Variants in SRP19 observed in about 807,000 individuals in gnomAD.
The protein encoded by SRP19 is signal recognition particle 19, also known as signal recognition particle 19 kDa protein.
A neutral mutation model predicts 22.4 loss-of-function variants in SRP19; 11 were observed. The observed-to-expected ratio is 0.49, with a 90% CI of 0.31 to 0.81. The LOEUF is 0.81. Ranked by LOEUF, SRP19 falls within the 40% of genes least tolerant of loss-of-function variation. The pLI is 0.05. For synonymous variants in SRP19, 61 were observed against 57.6 expected, an observed-to-expected ratio of 1.06 and a Z score of -0.27; for missense variants, 168 against 175.9, an observed-to-expected ratio of 0.96 and a Z score of 0.25.
intron 4 of SRP19, chr5:112,887,189 C>T (rs1768280882): frequency 1.3e-6 from 2 of 1,576,216 alleles, no homozygotes; most frequent in Non-Finnish European, 1.7e-6. Flanking sequence ...CCACACTGCA[C>T]AGAAAAAGAG....
chr5:112,898,120 G>T (rs977018752), exon 4 of SRP19: 44 of 152,142 alleles, frequency 2.9e-4, no homozygotes, highest in African/African-American at 1.0e-3. Context: ...CACACTTCCA[G>T]TCAGCATGCG....
intron 1 of SRP19, 79 bp downstream of exon 1, chr5:112,861,496 T>C (rs1767397071): frequency 1.3e-6 from 2 of 1,492,732 alleles, no homozygotes; most frequent in South Asian, 2.4e-5. Context: ...GCTTCTCCGC[T>C]CCGCGGCCTC....
At chr5:112,880,566 T>C (rs1393380748) in intron 4 of SRP19, among the ~76,000 whole-genome samples, 4 of 152,264 alleles carry the variant, frequency 2.6e-5, no homozygotes, top group Non-Finnish European at 4.4e-5. Context: ...GTCCTTCCCT[T>C]AACTAACCCT....
rs1561638372 is a variant in SRP19 at position 112,864,605 on chromosome 5, G to C, written c.190-16G>C. Reference sequence around the variant, plus strand: ...CTTTCTTAAGTCCTGTTTTTCTTTTGTTTCGTTTATGTTAGAAAAATAAAA... The same window carrying C: ...CTTTCTTAAGTCCTGTTTTTCTTTTCTTTCGTTTATGTTAGAAAAATAAAA... On this transcript the variant is annotated splice_polypyrimidine_tract_variant and intron_variant, in intron 3 of 4. Coordinates refer to ENST00000505459, the MANE Select transcript of SRP19 (RefSeq NM_003135.3). The C allele has an allele frequency of 6.2e-7, 1 of 1,612,238 alleles. No individual in the cohort carries two copies. Among genetic ancestry groups the C allele is most frequent in the African/African-American group, 1.3e-5 (1 of 74,830 alleles).
intron 2 of SRP19, among the ~76,000 whole-genome samples, chr5:112,863,873 C>A (rs1767498529): frequency 6.6e-6 from 1 of 152,120 alleles, no homozygotes; most frequent in African/African-American, 2.4e-5. Flanking sequence ...CCATGTTGTC[C>A]AGGCTTGTCT....
chr5:112,878,329 C>T (rs980713218), intron 4 of SRP19: 1 of 157,848 alleles, frequency 6.3e-6, no homozygotes, highest in East Asian at 1.9e-4. Context: ...CAGACAGTAA[C>T]ATTTCCATAT....
downstream of SRP19, chr5:112,898,001 G>C (rs1022161501): frequency 6.6e-6 from 1 of 152,284 alleles, no homozygotes; most frequent in Non-Finnish European, 1.5e-5. Context: ...AGTGGTTGCA[G>C]TGAGCCAAGA....
downstream of SRP19, chr5:112,894,697 T>G (rs1298375232): frequency 2.0e-5 from 3 of 152,238 alleles, no homozygotes; most frequent in Admixed American, 2.0e-4. Context: ...CATCCTAACA[T>G]GATATTTGTT....
At chr5:112,866,799 C>G (rs1767620386) in intron 4 of SRP19, among the ~76,000 whole-genome samples, 4 of 152,152 alleles carry the variant, frequency 2.6e-5, no homozygotes, top group Admixed American at 2.0e-4. Context: ...TTGTAATTAA[C>G]TAGTAGATAA....
At chr5:112,880,498 C>G (rs1768038205) in intron 4 of SRP19, among the ~76,000 whole-genome samples, 1 of 152,178 alleles carries the variant, frequency 6.6e-6, no homozygotes, top group Non-Finnish European at 1.5e-5. Context: ...CTGATAGTTG[C>G]TCTCCCTTTG....
downstream of SRP19, among the ~76,000 whole-genome samples, chr5:112,873,977 A>G (rs147063630): frequency 5.0e-4 from 76 of 151,800 alleles, no homozygotes; most frequent in African/African-American, 1.7e-3. Context: ...CAGCCTGGGC[A>G]ACATAGGGAG....
At chr5:112,864,281 T>C (rs1356645520) in intron 2 of SRP19, among the ~76,000 whole-genome samples, 176 bp from the exon 3 acceptor site, 2 of 152,218 alleles carry the variant, frequency 1.3e-5, no homozygotes, top group Admixed American at 6.5e-5. Flanking sequence ...CAGTTACGCA[T>C]TAGTGTTATT....
downstream of SRP19, among the ~76,000 whole-genome samples, chr5:112,872,975 T>G (rs1767789554): frequency 6.6e-6 from 1 of 152,186 alleles, no homozygotes; most frequent in Non-Finnish European, 1.5e-5. Flanking sequence ...AGGGAATTGC[T>G]TTTTGGTCTT....
intron 4 of SRP19, chr5:112,882,095 T>C (rs904185299): frequency 3.9e-5 from 6 of 154,002 alleles, no homozygotes; most frequent in Non-Finnish European, 7.3e-5. Context: ...TAATTATTGA[T>C]GATTTTAATA....
chr5:112,862,192 T>C lies in SRP19; in HGVS notation c.42-316T>C, dbSNP rs76105935. ...CGGCTCCAGCAAGCTACCCAAGAGC[T>C]GTTGGTTACAGAATTTTCTAGGGTT... On this transcript the variant is annotated intron_variant, in intron 1 of 4. Coordinates refer to ENST00000505459, the MANE Select transcript of SRP19 (RefSeq NM_003135.3). Among the ~76,000 whole-genome samples the C allele has an allele frequency of 0.013, 1,989 of 152,260 alleles. 105 individuals are homozygous for C. The East Asian group carries it at 0.18, about 14-fold the overall frequency.
chr5:112,883,193 C>G (rs1768130414), intron 4 of SRP19, among the ~76,000 whole-genome samples: 1 of 152,258 alleles, frequency 6.6e-6, no homozygotes, highest in African/African-American at 2.4e-5. Context: ...TTCTTCTGCT[C>G]TCCTTTGCAG....
At chr5:112,896,013 C>T (rs1768669236), downstream of SRP19, 1 of 152,494 alleles carries the variant, frequency 6.6e-6, no homozygotes, top group South Asian at 2.1e-4. Context: ...CTAATGCTGT[C>T]ACCATGTGAT....
At chr5:112,890,116 C>T (rs1768389235) in intron 4 of SRP19, among the ~76,000 whole-genome samples, 1 of 149,830 alleles carries the variant, frequency 6.7e-6, no homozygotes, top group African/African-American at 2.5e-5. Context: ...CGTGAGCCAC[C>T]GCACCCGGCC....
chr5:112,862,338 C>G, intron 1 of SRP19, 170 bp from the exon 2 acceptor site: 1 of 682,786 alleles, frequency 1.5e-6, no homozygotes, highest in South Asian at 1.6e-5. Flanking sequence ...GGGGACCACT[C>G]CGAGGTACTT....
Sources: allele counts gnomAD v4.1 joint callset (sites outside exome capture counted in the v4.1 genomes callset), GRCh38; gene constraint gnomAD v4.1.1; transcripts MANE v1.5; gene names NCBI Gene and HGNC (gene_info 2026-07-23, HGNC 2026-07-21).